ATAD3B: variants seen among roughly 807,000 people sequenced by gnomAD.
ATAD3B encodes the protein ATPase family AAA domain-containing protein 3B.
A neutral mutation model predicts 70.2 loss-of-function variants in ATAD3B; 59 were observed. The observed-to-expected ratio is 0.84, with a 90% confidence interval of 0.68 to 1.04. The LOEUF (loss-of-function observed/expected upper bound fraction) is 1.04, where lower values mean the gene tolerates loss of function less well. Ranked by LOEUF, ATAD3B falls within the 50% of genes least tolerant of loss-of-function variation. The pLI is 0.00. For missense variants in ATAD3B, 961 were observed against 913.4 expected (o/e 1.05, Z -0.67); for synonymous variants, 423 against 388.6 (o/e 1.09, Z -1.04).
In ATAD3B at chr1:1,482,840, C is replaced by T. The variant is rs577380335; in HGVS notation, c.750+226C>T. The T allele has an allele frequency of 1.1e-4, 74 of 653,134 alleles. 2 individuals carry two copies. The highest frequency in any genetic ancestry group is 1.1e-3 in the South Asian group (59 of 54,192). 40.5% of individuals were successfully genotyped at this position (653,134 alleles called of 1,614,324 possible). ...GCCACACGGTGAGACCCCATCTCTACGAAGAATAAAACATTAGCTGGGTGT... is the reference window on the plus strand; with the variant it reads ...GCCACACGGTGAGACCCCATCTCTATGAAGAATAAAACATTAGCTGGGTGT... On this transcript the variant is annotated intron_variant, in intron 7 of 15. Transcript: ENST00000673477.
downstream of ATAD3B, among the ~76,000 whole-genome samples, chr1:1,500,699 A>G (rs912774986): frequency 6.6e-6 from 1 of 151,514 alleles, no homozygotes. Flanking sequence ...CATGCCTGTA[A>G]TCCCAGCACT....
the ATAD3B span, among the ~76,000 whole-genome samples, chr1:1,505,253 CAGAG>C: frequency 2.6e-5 from 4 of 152,198 alleles, no homozygotes; most frequent in Middle Eastern, 3.4e-3. Context: ...GCAGCCGAGG[CAGAG>C]AGAGGGAGGG....
At chr1:1,509,177 C>G in the ATAD3B span, 1 of 1,609,454 alleles carries the variant, frequency 6.2e-7, no homozygotes, top group African/African-American at 1.4e-5. Context: ...CCATGGCGGC[C>G]TCCCTCAGCT....
chr1:1,490,593 G>T lies in ATAD3B; in HGVS notation c.1536G>T (p.Gly512=). 1 of 1,610,512 alleles carries T rather than the reference G, an allele frequency of 6.2e-7. No homozygotes were observed. Residue 512 remains glycine, a synonymous_variant, in exon 15 of 16, where the codon GGG becomes GGT. Transcript: ENST00000673477. ...RRLKLAQFDY[G]RKCSEVARLT... ...TGAAGCTGGCCCAGTTTGACTACGG[G>T]AGGAAGTGCTCGGAGGTCGCTCGGC...
downstream of ATAD3B, among the ~76,000 whole-genome samples, chr1:1,499,014 T>C (rs550341340): frequency 1.4e-4 from 21 of 149,748 alleles, no homozygotes; most frequent in African/African-American, 2.2e-4. Context: ...TGCTGTCGCC[T>C]AGGCTGGAGT....
downstream of ATAD3B, among the ~76,000 whole-genome samples, chr1:1,502,364 A>G (rs564785699): frequency 1.9e-4 from 27 of 144,364 alleles, no homozygotes; most frequent in East Asian, 2.3e-3. Context: ...ACAGGCGCCC[A>G]CCACCGCGCC....
At chr1:1,493,682 G>C (rs1640644506) in intron 15 of ATAD3B, among the ~76,000 whole-genome samples, 1 of 151,800 alleles carries the variant, frequency 6.6e-6, no homozygotes, top group African/African-American at 2.4e-5. Context: ...TCCTGCATGA[G>C]ATGAGAGGGT....
At chr1:1,486,348 A>G (rs1570248798) in intron 10 of ATAD3B, 113 bp downstream of exon 10, 2 of 1,592,964 alleles carry the variant, frequency 1.3e-6, no homozygotes, top group Admixed American at 1.8e-5. Flanking sequence ...GCCTTTGCCT[A>G]CCCTCGTGTA....
In ATAD3B at chr1:1,491,857, TC is replaced by T. The variant is rs530335006; in HGVS notation, c.1614+1190del. Reference sequence around the variant, plus strand: ...CAGCTGAGGTCTCTGTTCCAGGCCGTCCCCACTTGGAACCAGGTCTGTTTCC... The same window carrying T: ...CAGCTGAGGTCTCTGTTCCAGGCCGTCCCACTTGGAACCAGGTCTGTTTCC... On this transcript the variant is annotated intron_variant, in intron 15 of 15. Transcript: ENST00000673477. Among the ~76,000 whole-genome samples the T allele has an allele frequency of 2.1e-3, 316 of 151,966 alleles. 2 individuals carry two copies. The highest frequency in any genetic ancestry group is 7.2e-3 in the African/African-American group (297 of 41,458).
chr1:1,492,933 C>T (rs574544396), intron 15 of ATAD3B, among the ~76,000 whole-genome samples: 1 of 134,970 alleles, frequency 7.4e-6, no homozygotes, highest in Non-Finnish European at 1.5e-5. Flanking sequence ...AGCGATACTC[C>T]ATCTCCAAAA....
chr1:1,472,989 ATTTT>A (rs996575870), intron 1 of ATAD3B, among the ~76,000 whole-genome samples: 1 of 150,922 alleles, frequency 6.6e-6, no homozygotes, highest in Non-Finnish European at 1.5e-5. Flanking sequence ...CGCCCGGCTA[ATTTT>A]TTTTGTATCT....
At chr1:1,508,715 G>T in the ATAD3B span, among the ~76,000 whole-genome samples, 2 of 151,148 alleles carry the variant, frequency 1.3e-5, no homozygotes, top group African/African-American at 4.9e-5. Flanking sequence ...GCCAAGCCCT[G>T]TGCCCAGGAG....
chr1:1,477,119 C>T (rs1346277291), intron 1 of ATAD3B, among the ~76,000 whole-genome samples, 155 bp from the exon 2 acceptor site: 1 of 151,964 alleles, frequency 6.6e-6, no homozygotes, highest in Non-Finnish European at 1.5e-5. Flanking sequence ...AAGCCATCCT[C>T]CCACCTGAGC....
chr1:1,491,357 C>G (rs1451517047), intron 15 of ATAD3B, among the ~76,000 whole-genome samples: 2 of 151,896 alleles, frequency 1.3e-5, no homozygotes, highest in Non-Finnish European at 2.9e-5. Flanking sequence ...ATGTCGAAAC[C>G]CCGTCTCTAC....
At chr1:1,487,414 G>T (rs981601627) in intron 11 of ATAD3B, among the ~76,000 whole-genome samples, 2 of 151,540 alleles carry the variant, frequency 1.3e-5, no homozygotes, top group African/African-American at 4.8e-5. Flanking sequence ...CGTGAACCCG[G>T]GAGGCAGAGC....
chr1:1,503,593 A>T, the ATAD3B span: 1 of 1,611,852 alleles, frequency 6.2e-7, no homozygotes, highest in East Asian at 2.2e-5. Context: ...GGCCACATCA[A>T]AGGACGCCCT....
At chr1:1,499,586 C>A (rs1211597561), downstream of ATAD3B, among the ~76,000 whole-genome samples, 2 of 65,774 alleles carry the variant, frequency 3.0e-5, no homozygotes, top group Non-Finnish European at 2.7e-5. Flanking sequence ...CCAAACAGCT[C>A]TTTTTTTTTT....
the ATAD3B span, among the ~76,000 whole-genome samples, chr1:1,506,489 T>A: frequency 8.5e-3 from 1,280 of 151,290 alleles, 13 homozygotes; most frequent in Admixed American, 0.03. Context: ...CCCAAACTCA[T>A]GACGTCAGGT....
chr1:1,485,120 G>A lies in ATAD3B; in HGVS notation c.855G>A (p.Val285=), dbSNP rs1288384316. Residue 285 remains valine, a synonymous_variant, in exon 8 of 16, where the codon GTG becomes GTA. Transcript: ENST00000673477. ...IEARLGKPSL[V]RETSRITVLE... ...CTCGGCTGGGGAAGCCGTCCCTAGT[G>A]AGGGAGACGTCCCGCATCACGGTGC... 1 of 1,610,588 alleles carries A rather than the reference G, an allele frequency of 6.2e-7. No individual in the cohort carries two copies. Among genetic ancestry groups the A allele is most frequent in the South Asian group, 1.1e-5 (1 of 90,856 alleles).
Sources: allele counts gnomAD v4.1 joint callset (sites outside exome capture counted in the v4.1 genomes callset), GRCh38; gene constraint gnomAD v4.1.1; transcripts MANE v1.5; gene names NCBI Gene and HGNC (gene_info 2026-07-23, HGNC 2026-07-21).